Variants in DSCAM observed in about 807,000 individuals in gnomAD.
DSCAM encodes DS cell adhesion molecule, also known as cell adhesion molecule DSCAM.
In DSCAM, 47 loss-of-function variants were observed where a neutral mutation model predicts 217.7. The observed-to-expected ratio is 0.22, with a 90% CI of 0.17 to 0.28. The LOEUF (loss-of-function observed/expected upper bound fraction) is 0.28, where lower values mean the gene tolerates loss of function less well. Among genes scored for constraint, DSCAM ranks in the 10% least tolerant of loss-of-function variants. The probability of loss-of-function intolerance (pLI) is 1.00; values close to 1 mark genes in which losing one functional copy is unlikely to be tolerated. For missense variants in DSCAM, 2,080 were observed against 2,618.3 expected, an observed-to-expected ratio of 0.79 and a Z score of 4.49; for synonymous variants, 1,056 against 1,015.3, an observed-to-expected ratio of 1.04 and a Z score of -0.76.
chr21:40,630,277 C>T (rs536915062), intron 3 of DSCAM, among the ~76,000 whole-genome samples: 46 of 152,132 alleles, frequency 3.0e-4, no homozygotes, highest in Non-Finnish European at 5.4e-4. Flanking sequence ...GGATAAAACC[C>T]GAATTTGCAA....
chr21:40,791,323 G>T (rs545412113), intron 1 of DSCAM, among the ~76,000 whole-genome samples: 1 of 151,576 alleles, frequency 6.6e-6, no homozygotes, highest in Non-Finnish European at 1.5e-5. Context: ...ATCCGCTTAC[G>T]TTGGCTTAGT....
chr21:40,271,205 G>C (rs2073611798), intron 11 of DSCAM, among the ~76,000 whole-genome samples: 1 of 152,192 alleles, frequency 6.6e-6, no homozygotes, highest in Admixed American at 6.5e-5. Context: ...CATGGAGGAG[G>C]GAGACCACAT....
At chr21:40,405,926 G>A (rs1320211347) in intron 3 of DSCAM, among the ~76,000 whole-genome samples, 3 of 152,158 alleles carry the variant, frequency 2.0e-5, no homozygotes, top group East Asian at 1.9e-4. Context: ...GATCCTGGGA[G>A]GGAGCAGTTG....
intron 9 of DSCAM, among the ~76,000 whole-genome samples, chr21:40,303,727 A>G (rs181157495): frequency 2.3e-4 from 35 of 152,336 alleles, no homozygotes; most frequent in Non-Finnish European, 4.4e-4. Flanking sequence ...AATTCTATCA[A>G]AAATTGGATC....
chr21:40,682,956 A>C (rs866754459), intron 3 of DSCAM, among the ~76,000 whole-genome samples: 3 of 39,178 alleles, frequency 7.7e-5, no homozygotes, highest in South Asian at 8.2e-4. Flanking sequence ...TCGGGTCATA[A>C]GGGTGGCCCC....
rs561378368 is a variant in DSCAM at position 40,580,763 on chromosome 21, A to T, written c.508+112047T>A. 2.0e-3 allele frequency among the ~76,000 whole-genome samples: 310 copies of T among 152,320 alleles called. 1 individual carries two copies. The highest frequency in any genetic ancestry group is 7.0e-3 in the African/African-American group (293 of 41,572). ...GCAGTAAGTGGAAAACACCCAATGTACCAGAAGCCAAAGGAAAAATATATG... is the reference window on the plus strand; with the variant it reads ...GCAGTAAGTGGAAAACACCCAATGTTCCAGAAGCCAAAGGAAAAATATATG... On this transcript the variant is annotated intron_variant, in intron 3 of 32. Transcript: ENST00000400454.
At chr21:40,616,390 A>G (rs2089394240) in intron 3 of DSCAM, among the ~76,000 whole-genome samples, 1 of 152,162 alleles carries the variant, frequency 6.6e-6, no homozygotes, top group Non-Finnish European at 1.5e-5. Flanking sequence ...GTTCGTACCA[A>G]GTCAATAGCA....
intron 3 of DSCAM, among the ~76,000 whole-genome samples, chr21:40,452,942 G>C (rs1257677195): frequency 6.6e-6 from 1 of 151,994 alleles, no homozygotes; most frequent in Non-Finnish European, 1.5e-5. Flanking sequence ...ATTAAGTTCA[G>C]AATGGCATTT....
intron 1 of DSCAM, among the ~76,000 whole-genome samples, chr21:40,839,435 G>A (rs2123677469): frequency 6.6e-6 from 1 of 152,284 alleles, no homozygotes. Flanking sequence ...AATATTTGTA[G>A]CAGTGCTGCA....
intron 3 of DSCAM, among the ~76,000 whole-genome samples, chr21:40,514,130 T>G (rs1271426665): frequency 1.3e-5 from 2 of 152,042 alleles, no homozygotes; most frequent in Admixed American, 1.3e-4. Context: ...GAAAGCAACC[T>G]CCCAAAACAA....
chr21:40,079,166 T>C (rs765573096), intron 25 of DSCAM, among the ~76,000 whole-genome samples, 189 bp from the exon 26 acceptor site: 3 of 152,240 alleles, frequency 2.0e-5, no homozygotes, highest in Non-Finnish European at 2.9e-5. Flanking sequence ...TCTCCAACTG[T>C]AATGACCTGG....
chr21:40,291,223 C>T (rs1569044779), intron 10 of DSCAM, among the ~76,000 whole-genome samples: 1 of 152,230 alleles, frequency 6.6e-6, no homozygotes, highest in South Asian at 2.1e-4. Context: ...CGGCCACATC[C>T]CGGCCAAGGC....
intron 8 of DSCAM, among the ~76,000 whole-genome samples, chr21:40,329,363 C>T (rs182662637): frequency 2.0e-5 from 3 of 152,260 alleles, no homozygotes; most frequent in Non-Finnish European, 2.9e-5. Flanking sequence ...CAACTGTAAT[C>T]CCTGCACTTT....
chr21:40,230,964 G>A lies in DSCAM; in HGVS notation c.2357-41726C>T, dbSNP rs980012383. ...GGCATCCCTGCTCTGTTCTCTGGCTGCAGCATGCCCAATCCATTTCTCTGA... is the reference window on the plus strand; with the variant it reads ...GGCATCCCTGCTCTGTTCTCTGGCTACAGCATGCCCAATCCATTTCTCTGA... On this transcript the variant is annotated intron_variant, in intron 11 of 32. Transcript: ENST00000400454. 4.0e-5 allele frequency among the ~76,000 whole-genome samples: 6 copies of A among 150,468 alleles called. No individual in the cohort carries two copies. The East Asian group carries it at 9.8e-4, about 25-fold the overall frequency.
At chr21:40,301,555 A>C (rs2074014204) in intron 9 of DSCAM, among the ~76,000 whole-genome samples, 1 of 115,546 alleles carries the variant, frequency 8.7e-6, no homozygotes, top group South Asian at 2.4e-4. Context: ...GATGCTGTGG[A>C]TAAGATTAAG....
At chr21:40,050,724 G>A (rs924790170) in intron 30 of DSCAM, among the ~76,000 whole-genome samples, 1 of 152,058 alleles carries the variant, frequency 6.6e-6, no homozygotes, top group East Asian at 1.9e-4. Context: ...CTCGTGATCC[G>A]ACCGCCTCGG....
chr21:40,086,219 G>GA (rs1568933202), intron 22 of DSCAM, among the ~76,000 whole-genome samples: 1 of 152,170 alleles, frequency 6.6e-6, no homozygotes, highest in Non-Finnish European at 1.5e-5. Context: ...ATTTTGACAT[G>GA]AAAAATGACA....
rs752128376 is a variant in DSCAM at position 40,044,218 on chromosome 21, C to T, written c.5243G>A (p.Ser1748Asn). The T allele has an allele frequency of 8.1e-6, 13 of 1,614,054 alleles. No homozygotes were observed. In the African/African-American group the frequency reaches 1.6e-4, roughly 20 times the overall value. The change falls in exon 31 of 33, where the codon AGC (serine) becomes AAC (asparagine). Residue 1748 changes from serine to asparagine, a missense_variant. This residue lies in a region of DSCAM where 1,144 missense variants were observed against 1,421.1 expected (regional missense o/e 0.81). Coordinates refer to ENST00000400454, the MANE Select transcript of DSCAM (RefSeq NM_001389.5). ...AGPTARNRYA[S>N]QWTLNRPHPT... ...GTGGGGTCGGTTGAGGGTCCACTGGCTGGCATAGCGGTTTCTCGCTGTGGG... is the reference window on the plus strand; with the variant it reads ...GTGGGGTCGGTTGAGGGTCCACTGGTTGGCATAGCGGTTTCTCGCTGTGGG...
chr21:40,747,298 A>AC (rs2091184485), intron 1 of DSCAM, among the ~76,000 whole-genome samples: 1 of 150,154 alleles, frequency 6.7e-6, no homozygotes, highest in East Asian at 1.9e-4. Context: ...ATAAAAAAAA[A>AC]ACAACAAACC....
Sources: allele counts gnomAD v4.1 joint callset (sites outside exome capture counted in the v4.1 genomes callset), GRCh38; gene constraint gnomAD v4.1.1; regional missense constraint gnomAD v4.1.1; transcripts MANE v1.5; gene names NCBI Gene and HGNC (gene_info 2026-07-23, HGNC 2026-07-21).